The following BDP1 variants were observed in gnomAD, a reference collection of about 807,000 sequenced individuals.
BDP1 encodes the protein transcription factor TFIIIB component B'' homolog.
In BDP1, 169 loss-of-function variants were observed where a neutral mutation model predicts 266.6. The observed-to-expected ratio is 0.63, with a 90% CI of 0.56 to 0.72. BDP1 has a LOEUF of 0.72. BDP1 is among the 30% of genes least tolerant of loss of function. BDP1 has a pLI of 0.00. For missense variants in BDP1, 3,015 were observed against 3,053.8 expected (o/e 0.99, Z 0.30); for synonymous variants, 1,090 against 1,022.4 (o/e 1.07, Z -1.26).
intron 37 of BDP1, among the ~76,000 whole-genome samples, chr5:71,561,472 G>A (rs1264436114): frequency 1.3e-5 from 2 of 152,230 alleles, no homozygotes; most frequent in Admixed American, 1.3e-4. Context: ...CAGTGTTCTA[G>A]AACGGAAGTC....
chr5:71,513,692 AAAAAATG>A (rs1455507284), intron 19 of BDP1, among the ~76,000 whole-genome samples: 1 of 151,980 alleles, frequency 6.6e-6, no homozygotes, highest in African/African-American at 2.4e-5. Flanking sequence ...TTCTTCATAG[AAAAAATG>A]ACAATAATAG....
chr5:71,486,365 T>C (rs1241818621), intron 8 of BDP1, 119 bp from the exon 9 acceptor site: 3 of 798,090 alleles, frequency 3.8e-6, no homozygotes, highest in African/African-American at 3.6e-5. Flanking sequence ...TGTGTATTTG[T>C]TTTTCTGTTC....
chr5:71,523,005 T>G, intron 24 of BDP1, 56 bp downstream of exon 24: 1 of 1,438,190 alleles, frequency 7.0e-7, no homozygotes, highest in South Asian at 1.5e-5. Flanking sequence ...CACTTAACTT[T>G]TACCTTAACT....
chr5:71,541,776 G>T, intron 29 of BDP1, 94 bp downstream of exon 29: 1 of 785,722 alleles, frequency 1.3e-6, no homozygotes. Context: ...AGTAGGCAAT[G>T]CTAATTTCTT....
chr5:71,556,371 A>T (rs183594467), intron 35 of BDP1, among the ~76,000 whole-genome samples: 342 of 152,286 alleles, frequency 2.2e-3, no homozygotes, highest in Middle Eastern at 0.01. Context: ...TTTTAATAGG[A>T]GAACTTCCAG....
At chr5:71,497,798 AGACAGG>A (rs1763982630) in intron 13 of BDP1, among the ~76,000 whole-genome samples, 1 of 152,026 alleles carries the variant, frequency 6.6e-6, no homozygotes, top group South Asian at 2.1e-4. Flanking sequence ...GTTTTTTCTG[AGACAGG>A]GTCTTGCTCT....
intron 25 of BDP1, among the ~76,000 whole-genome samples, chr5:71,525,445 C>A (rs78048995): frequency 1.0e-4 from 5 of 49,404 alleles, no homozygotes; most frequent in East Asian, 8.8e-4. Context: ...GGGGGGCTGA[C>A]ACCCCCCACC....
intron 35 of BDP1, among the ~76,000 whole-genome samples, 188 bp downstream of exon 35, chr5:71,553,508 A>G (rs569872388): frequency 6.6e-6 from 1 of 152,228 alleles, no homozygotes; most frequent in Non-Finnish European, 1.5e-5. Flanking sequence ...AACCAATGGT[A>G]AATGAAAATT....
rs763040281 is a variant in BDP1, at chr5:71,486,603, A to G, written c.1189A>G (p.Thr397Ala). Residue 397 changes from threonine to alanine, a missense_variant, in exon 9 of 39, where the codon ACC becomes GCC. This residue lies in a region of BDP1 where 2,383 missense variants were observed against 2,404.9 expected (regional missense o/e 0.99). Transcript: ENST00000358731. ...TCACAGTTTAAAGGAGAAGAAATCC[A>G]CCAAACCACGGAAAAATGTAAAAGG... ...KNHSLKEKKS[T>A]KPRKNVKVKK... is the part of the protein sequence containing the mutation. 2 of 1,527,672 alleles carry G rather than the reference A, an allele frequency of 1.3e-6. No homozygotes were observed. Among genetic ancestry groups the G allele is most frequent in the Admixed American group, 5.3e-5 (2 of 37,796 alleles). 94.6% of individuals were successfully genotyped at this position (1,527,672 alleles called of 1,614,324 possible). A position where few individuals can be genotyped will look rare whatever the true frequency, so the allele number is the denominator to read the frequency against.
Position 71,525,798 on chromosome 5 carries a change from C to T in BDP1, c.5772+1475C>T, listed in dbSNP as rs6894956. On this transcript the variant is annotated intron_variant, in intron 25 of 38. Transcript: ENST00000358731. ...GCAGAGACGCTCCTCACTTCCCAGA[C>T]GGGGTGGCTGCTGGGCGGAGGGGCT... 4.3e-3 allele frequency among the ~76,000 whole-genome samples: 644 copies of T among 151,220 alleles called. 4 individuals carry two copies. The highest frequency in any genetic ancestry group is 0.015 in the African/African-American group (608 of 41,164).
At chr5:71,486,728 A>G (rs867026245) in intron 9 of BDP1, 101 bp downstream of exon 9, 1 of 909,976 alleles carries the variant, frequency 1.1e-6, no homozygotes, top group South Asian at 2.3e-5. Context: ...TCAGGTAGTT[A>G]AGATCATCAA....
intron 13 of BDP1, among the ~76,000 whole-genome samples, chr5:71,498,433 T>C (rs1764025903): frequency 4.0e-5 from 6 of 151,740 alleles, no homozygotes; most frequent in Admixed American, 3.3e-4. Flanking sequence ...TTTATTTCTT[T>C]TTTTTTTTGA....
rs780078490 is a variant in BDP1, at chr5:71,509,521, G to A, written c.2429G>A (p.Arg810Gln). The A allele has an allele frequency of 3.5e-5, 57 of 1,607,436 alleles. No homozygotes were observed. Among genetic ancestry groups the A allele is most frequent in the Non-Finnish European group, 4.4e-5 (52 of 1,178,582 alleles). ...AACCAAGTCCCAATTCTAAGGACTC[G>A]ATTTCAGAAACCAAAGCCAAATATA... Reference protein sequence around the residue: ...KLNQVPILRTRFQKPKPNIGR... With the variant: ...KLNQVPILRTQFQKPKPNIGR... Residue 810 changes from arginine (R) to glutamine (Q), a missense_variant, in exon 17 of 39, where the codon CGA becomes CAA. Around this residue, in one of 3 missense-constraint regions of BDP1, gnomAD observed 2,383 missense variants for 2,404.9 expected, o/e 0.99. Coordinates refer to ENST00000358731, the MANE Select transcript of BDP1 (RefSeq NM_018429.3).
intron 19 of BDP1, among the ~76,000 whole-genome samples, chr5:71,514,476 T>TA (rs1765115013): frequency 6.6e-6 from 1 of 152,204 alleles, no homozygotes. Context: ...TTTTTCGTCT[T>TA]ACAGTTATAA....
At chr5:71,464,500 A>G (rs544590874) in intron 4 of BDP1, among the ~76,000 whole-genome samples, 20 of 152,204 alleles carry the variant, frequency 1.3e-4, no homozygotes, top group Non-Finnish European at 2.6e-4. Flanking sequence ...GTCTCTTAAA[A>G]AAAAATTACA....
intron 7 of BDP1, among the ~76,000 whole-genome samples, chr5:71,472,653 C>G (rs1414590874): frequency 6.6e-6 from 1 of 151,852 alleles, no homozygotes. Flanking sequence ...TTGTAATTTT[C>G]TTTTACAAAG....
intron 3 of BDP1, among the ~76,000 whole-genome samples, chr5:71,462,232 A>T (rs1183474814): frequency 2.6e-5 from 4 of 151,998 alleles, no homozygotes; most frequent in Non-Finnish European, 5.9e-5. Flanking sequence ...CAAAGTGCTG[A>T]GATTACAGGC....
At chr5:71,465,139 A>C (rs1271363158) in intron 4 of BDP1, among the ~76,000 whole-genome samples, 1 of 152,090 alleles carries the variant, frequency 6.6e-6, no homozygotes, top group African/African-American at 2.4e-5. Context: ...CAAAAGTACT[A>C]GGATTACAGG....
At chr5:71,537,964 T>A (rs1766738547) in intron 26 of BDP1, 1 of 152,330 alleles carries the variant, frequency 6.6e-6, no homozygotes, top group Non-Finnish European at 1.5e-5. Context: ...TTAAGTATGA[T>A]GTTACCATGG....
Sources: gnomAD v4.1 joint callset for allele counts (sites outside exome capture counted in the v4.1 genomes callset) on GRCh38, gnomAD v4.1.1 for gene constraint, gnomAD v4.1.1 regional missense constraint, MANE v1.5 for transcripts, NCBI Gene and HGNC (gene_info 2026-07-23, HGNC 2026-07-21) for gene names.